Variants in LRRC4C observed in about 807,000 individuals in gnomAD.
LRRC4C encodes leucine rich repeat containing 4C, also known as leucine-rich repeat-containing protein 4C.
In LRRC4C, 5 loss-of-function variants were observed where a neutral mutation model predicts 33.6. That is an observed-to-expected ratio of 0.15 (90% CI 0.08 to 0.31). LRRC4C has a LOEUF of 0.31. Among genes scored for constraint, LRRC4C ranks in the 10% least tolerant of loss-of-function variants. The pLI is 1.00. For synonymous variants in LRRC4C, 329 were observed against 302.0 expected (o/e 1.09, Z -0.93); for missense variants, 560 against 796.7 (o/e 0.70, Z 3.58).
chr11:40,223,169 A>G (rs1864542194), intron 5 of LRRC4C, among the ~76,000 whole-genome samples: 1 of 152,158 alleles, frequency 6.6e-6, no homozygotes, highest in Non-Finnish European at 1.5e-5. Flanking sequence ...ATCATGATAT[A>G]TTTCCCTGAG....
intron 5 of LRRC4C, among the ~76,000 whole-genome samples, chr11:40,210,739 G>A (rs75560690): frequency 0.065 from 9,914 of 151,980 alleles, 1,047 homozygotes; most frequent in African/African-American, 0.22. Context: ...TCTCTCACTC[G>A]GAATGTCTAC....
At chr11:40,921,562 A>G (rs1957181261) in intron 2 of LRRC4C, among the ~76,000 whole-genome samples, 1 of 152,154 alleles carries the variant, frequency 6.6e-6, no homozygotes, top group Non-Finnish European at 1.5e-5. Context: ...AAGACCTATG[A>G]GGAACTTCTG....
At chr11:40,615,954 A>G (rs1296827361) in intron 3 of LRRC4C, among the ~76,000 whole-genome samples, 1 of 151,816 alleles carries the variant, frequency 6.6e-6, no homozygotes, top group Non-Finnish European at 1.5e-5. Context: ...AGATTAAAAT[A>G]GTTGTGCAAG....
At chr11:40,812,941 G>C (rs1420023173) in intron 2 of LRRC4C, among the ~76,000 whole-genome samples, 1 of 152,038 alleles carries the variant, frequency 6.6e-6, no homozygotes, top group African/African-American at 2.4e-5. Context: ...GGGAGAGAAA[G>C]TGGAAAAAAA....
intron 2 of LRRC4C, among the ~76,000 whole-genome samples, chr11:40,931,154 G>T (rs1426210901): frequency 3.9e-5 from 6 of 152,088 alleles, no homozygotes; most frequent in African/African-American, 1.4e-4. Flanking sequence ...TGGAAGAAAA[G>T]AATCAAACAG....
chr11:40,791,265 T>A (rs534100867), intron 2 of LRRC4C, among the ~76,000 whole-genome samples: 1 of 152,302 alleles, frequency 6.6e-6, no homozygotes, highest in South Asian at 2.1e-4. Flanking sequence ...AAATAAACTC[T>A]ATTGATTTTA....
chr11:40,323,245 T>A (rs947383120), intron 3 of LRRC4C, among the ~76,000 whole-genome samples: 1 of 152,204 alleles, frequency 6.6e-6, no homozygotes, highest in African/African-American at 2.4e-5. Flanking sequence ...TTAATTATAA[T>A]AAGTTAATGT....
intron 3 of LRRC4C, among the ~76,000 whole-genome samples, chr11:40,451,937 G>T (rs540719134): frequency 1.3e-5 from 2 of 152,232 alleles, no homozygotes; most frequent in East Asian, 3.9e-4. Flanking sequence ...GTCAGACAGT[G>T]GGTGCAGGAC....
At chr11:40,310,164 T>C (rs1945233103) in intron 4 of LRRC4C, among the ~76,000 whole-genome samples, 1 of 152,174 alleles carries the variant, frequency 6.6e-6, no homozygotes, top group Non-Finnish European at 1.5e-5. Context: ...ATGAAGATCA[T>C]ATTTTGAAGA....
intron 5 of LRRC4C, among the ~76,000 whole-genome samples, chr11:40,212,633 T>G (rs1863687272): frequency 6.6e-6 from 1 of 152,174 alleles, no homozygotes; most frequent in Admixed American, 6.6e-5. Context: ...GCATCCATTA[T>G]GTGTGCCATT....
At chr11:40,205,719 G>A (rs1437600112) in intron 5 of LRRC4C, among the ~76,000 whole-genome samples, 1 of 152,068 alleles carries the variant, frequency 6.6e-6, no homozygotes, top group Non-Finnish European at 1.5e-5. Flanking sequence ...TTAAAATTAA[G>A]GGGTAATCAG....
At chr11:41,093,881 G>A (rs1303016311) in intron 1 of LRRC4C, among the ~76,000 whole-genome samples, 1 of 145,964 alleles carries the variant, frequency 6.9e-6, no homozygotes, top group Non-Finnish European at 1.5e-5. Context: ...CACAAGGTCA[G>A]GAGATCGAGA....
intron 2 of LRRC4C, among the ~76,000 whole-genome samples, chr11:40,693,254 A>C (rs1005880790): frequency 1.3e-5 from 2 of 152,158 alleles, no homozygotes; most frequent in African/African-American, 2.4e-5. Flanking sequence ...AATAAAATTG[A>C]GTGTCTGACT....
At chr11:41,430,330 GA>G (rs796936118) in intron 1 of LRRC4C, among the ~76,000 whole-genome samples, 5 of 152,196 alleles carry the variant, frequency 3.3e-5, no homozygotes, top group African/African-American at 1.2e-4. Context: ...CTCCAGAATT[GA>G]AAATACTATG....
intron 1 of LRRC4C, among the ~76,000 whole-genome samples, chr11:41,147,490 T>C (rs1425200985): frequency 1.3e-5 from 2 of 152,228 alleles, no homozygotes; most frequent in African/African-American, 2.4e-5. Context: ...TTCACTGCTT[T>C]TCTTCCTTAG....
At chr11:40,917,882 T>C (rs1039339550) in intron 2 of LRRC4C, among the ~76,000 whole-genome samples, 1 of 151,942 alleles carries the variant, frequency 6.6e-6, no homozygotes, top group African/African-American at 2.4e-5. Context: ...AAAGTAGATG[T>C]TCAATGTTTG....
intron 1 of LRRC4C, among the ~76,000 whole-genome samples, chr11:40,951,433 A>T (rs1342716056): frequency 6.6e-6 from 1 of 150,526 alleles, no homozygotes; most frequent in Non-Finnish European, 1.5e-5. Context: ...AAAAAAAAAA[A>T]TTCCTGATGC....
chr11:41,001,782 G>A (rs916021741), intron 1 of LRRC4C, among the ~76,000 whole-genome samples: 11 of 152,052 alleles, frequency 7.2e-5, no homozygotes, highest in Admixed American at 4.6e-4. Context: ...ACATGGATTA[G>A]GCAATGCCCT....
At chr11:41,201,563 C>T (rs12796409) in intron 1 of LRRC4C, among the ~76,000 whole-genome samples, 292 of 152,196 alleles carry the variant, frequency 1.9e-3, no homozygotes, top group Non-Finnish European at 3.0e-3. Flanking sequence ...CCCAAGCTAC[C>T]GTTTTTCCTG....
Sources: gnomAD v4.1 joint callset for allele counts (sites outside exome capture counted in the v4.1 genomes callset) on GRCh38, gnomAD v4.1.1 for gene constraint, MANE v1.5 for transcripts, NCBI Gene and HGNC (gene_info 2026-07-23, HGNC 2026-07-21) for gene names.